The following KLHL1 variants were observed in gnomAD, a reference collection of about 807,000 sequenced individuals.
KLHL1 encodes the protein kelch like family member 1, also known as kelch-like protein 1.
KLHL1 carries 47 observed loss-of-function variants against 77.7 expected under a neutral mutation model. The observed-to-expected ratio is 0.60, with a 90% confidence interval of 0.48 to 0.77. The LOEUF (loss-of-function observed/expected upper bound fraction) is 0.77, where lower values mean the gene tolerates loss of function less well. Among genes scored for constraint, KLHL1 ranks in the 30% least tolerant of loss-of-function variants. The probability of loss-of-function intolerance (pLI) is 0.00; values close to 1 mark genes in which losing one functional copy is unlikely to be tolerated. For synonymous variants in KLHL1, 360 were observed against 325.2 expected (o/e 1.11, Z -1.15); for missense variants, 925 against 910.8 (o/e 1.02, Z -0.20).
In KLHL1 at chr13:69,882,434, T is replaced by C. The variant is rs372441278; in HGVS notation, c.1076A>G (p.His359Arg). The C allele has an allele frequency of 1.2e-6, 2 of 1,613,870 alleles. No homozygotes were observed. The highest frequency in any genetic ancestry group is 1.7e-6 in the Non-Finnish European group (2 of 1,179,868). ...GACATCATCACTGGCCAGTAGTTTATGGAGCTCCTCAGCTGGAAGGAGTAA... is the reference window on the plus strand; with the variant it reads ...GACATCATCACTGGCCAGTAGTTTACGGAGCTCCTCAGCTGGAAGGAGTAA... Reference protein sequence around the residue: ...EFLLLPAEELHKLLASDDVNV... With the variant: ...EFLLLPAEELRKLLASDDVNV... Residue 359 changes from histidine to arginine, a missense_variant, in exon 5 of 11, where the codon CAT (histidine) becomes CGT (arginine). Physicochemically the swap from His to Arg is conservative, Grantham distance 29 (BLOSUM62 0). Transcript: ENST00000377844.
At chr13:70,084,622 C>CTGTTTTTTTTTT (rs1887481735) in intron 1 of KLHL1, among the ~76,000 whole-genome samples, 1 of 14,956 alleles carries the variant, frequency 6.7e-5, no homozygotes, top group African/African-American at 3.4e-4. Context: ...CCACGCCAGG[C>CTGTTTTTTTTTT]TTTTTTTTTT....
chr13:69,824,117 G>A (rs1001454566), intron 6 of KLHL1, among the ~76,000 whole-genome samples: 5 of 151,890 alleles, frequency 3.3e-5, no homozygotes, highest in African/African-American at 1.2e-4. Flanking sequence ...CTACTTGAGT[G>A]TGAAACAGTG....
chr13:69,740,400 T>C lies in KLHL1; in HGVS notation c.1796A>G (p.Asn599Ser), dbSNP rs899077131. The C allele has an allele frequency of 1.3e-6, 2 of 1,566,396 alleles. No homozygotes were observed. The highest frequency in any genetic ancestry group is 1.4e-5 in the African/African-American group (1 of 74,068). The change falls in exon 8 of 11, where the codon AAT becomes AGT. Residue 599 changes from asparagine to serine, a missense_variant. Asn to Ser is a conservative substitution (Grantham distance 46). Coordinates refer to ENST00000377844, the MANE Select transcript of KLHL1 (RefSeq NM_020866.3). ...AAGAAAAAAATTTACTTACTTGCCA[T>C]TCAATGCTGCTACACCAACTGTGCT... Reference protein sequence around the residue: ...ARSTVGVAALNGKLYSVGGRD... With the variant: ...ARSTVGVAALSGKLYSVGGRD...
chr13:69,739,824 G>T (rs1873910409), intron 8 of KLHL1, among the ~76,000 whole-genome samples: 1 of 152,140 alleles, frequency 6.6e-6, no homozygotes, highest in South Asian at 2.1e-4. Flanking sequence ...GGGGAAGACA[G>T]GGGCTGTATT....
At chr13:69,710,435 GC>G (rs1875822749) in intron 9 of KLHL1, among the ~76,000 whole-genome samples, 1 of 151,928 alleles carries the variant, frequency 6.6e-6, no homozygotes, top group South Asian at 2.1e-4. Context: ...ATCTGGTAAT[GC>G]TAATAATATT....
intron 1 of KLHL1, among the ~76,000 whole-genome samples, chr13:70,101,328 T>C (rs1887915600): frequency 6.6e-6 from 1 of 152,146 alleles, no homozygotes; most frequent in South Asian, 2.1e-4. Flanking sequence ...CTTGTATTTA[T>C]ATATAAGTAC....
chr13:69,949,484 T>G (rs1566436027), intron 3 of KLHL1, among the ~76,000 whole-genome samples: 1 of 151,858 alleles, frequency 6.6e-6, no homozygotes, highest in Non-Finnish European at 1.5e-5. Flanking sequence ...TTATCACTGG[T>G]GATAGTCATC....
At chr13:70,091,958 G>A (rs1887681526) in intron 1 of KLHL1, among the ~76,000 whole-genome samples, 1 of 152,092 alleles carries the variant, frequency 6.6e-6, no homozygotes, top group Admixed American at 6.6e-5. Context: ...TGGCAGCAGG[G>A]TGTAGTGGGG....
At chr13:69,896,723 C>A (rs1236014374) in intron 4 of KLHL1, among the ~76,000 whole-genome samples, 1 of 150,574 alleles carries the variant, frequency 6.6e-6, no homozygotes, top group African/African-American at 2.5e-5. Flanking sequence ...GGCTGGAGGG[C>A]AGTGGTGCAA....
At chr13:69,728,491 T>A (rs1235123098) in intron 8 of KLHL1, among the ~76,000 whole-genome samples, 1 of 151,758 alleles carries the variant, frequency 6.6e-6, no homozygotes, top group Non-Finnish European at 1.5e-5. Context: ...CTCAGCTCAC[T>A]GCAGCCTCCG....
chr13:70,105,495 C>T (rs1888030730), intron 1 of KLHL1, among the ~76,000 whole-genome samples: 1 of 151,324 alleles, frequency 6.6e-6, no homozygotes, highest in Non-Finnish European at 1.5e-5. Context: ...TAAAAATTGA[C>T]AAACACACAT....
chr13:69,769,260 G>T (rs971223301), intron 7 of KLHL1, among the ~76,000 whole-genome samples: 1 of 152,186 alleles, frequency 6.6e-6, no homozygotes, highest in African/African-American at 2.4e-5. Flanking sequence ...TCTGGGTAGA[G>T]GCAACAGCTT....
intron 1 of KLHL1, among the ~76,000 whole-genome samples, chr13:70,081,149 C>G (rs1170028083): frequency 1.3e-5 from 2 of 152,162 alleles, no homozygotes; most frequent in Non-Finnish European, 2.9e-5. Context: ...CCAGTTTGTT[C>G]AAGACTGTCC....
intron 5 of KLHL1, among the ~76,000 whole-genome samples, chr13:69,855,099 C>A (rs893981414): frequency 2.0e-5 from 3 of 151,770 alleles, no homozygotes; most frequent in Admixed American, 2.0e-4. Flanking sequence ...TATAGCAGAG[C>A]GTATTAGAAA....
chr13:69,993,007 T>TA (rs896768413), intron 1 of KLHL1, among the ~76,000 whole-genome samples: 17 of 152,062 alleles, frequency 1.1e-4, no homozygotes, highest in Admixed American at 2.0e-4. Context: ...TCATCCCAGA[T>TA]AAAAATTAAA....
chr13:69,911,879 C>A (rs565549768), intron 4 of KLHL1, among the ~76,000 whole-genome samples: 1 of 152,234 alleles, frequency 6.6e-6, no homozygotes, highest in South Asian at 2.1e-4. Flanking sequence ...AGACAACAAC[C>A]AATCTTCATT....
intron 7 of KLHL1, among the ~76,000 whole-genome samples, chr13:69,787,584 C>A (rs1046427423): frequency 2.6e-5 from 4 of 152,158 alleles, no homozygotes; most frequent in South Asian, 2.1e-4. Context: ...CAGTACCATT[C>A]AGGACATAGG....
chr13:69,812,298 C>T (rs1005494751), intron 6 of KLHL1, among the ~76,000 whole-genome samples: 1 of 151,866 alleles, frequency 6.6e-6, no homozygotes, highest in Non-Finnish European at 1.5e-5. Context: ...TATTTTACTT[C>T]CTTACACCTT....
intron 1 of KLHL1, among the ~76,000 whole-genome samples, chr13:69,982,479 T>TAATAATAATAAA (rs1418282120): frequency 1.4e-5 from 2 of 142,038 alleles, no homozygotes; most frequent in Admixed American, 7.1e-5. Flanking sequence ...ATAATAATAA[T>TAATAATAATAAA]AAAATAAAAA....
Sources: allele counts gnomAD v4.1 joint callset (sites outside exome capture counted in the v4.1 genomes callset), GRCh38; gene constraint gnomAD v4.1.1; transcripts MANE v1.5; gene names NCBI Gene and HGNC (gene_info 2026-07-23, HGNC 2026-07-21).